Variants in PROS1 observed in about 807,000 individuals in gnomAD.
PROS1 encodes the protein protein S.
PROS1 carries 29 observed loss-of-function variants against 75.9 expected under a neutral mutation model. That is an observed-to-expected ratio of 0.38 (90% confidence interval 0.28 to 0.52). The LOEUF (loss-of-function observed/expected upper bound fraction) is 0.52, where lower values mean the gene tolerates loss of function less well. Among genes scored for constraint, PROS1 ranks in the 20% least tolerant of loss-of-function variants. PROS1 has a pLI of 0.83. For missense variants in PROS1, 680 were observed against 810.3 expected (o/e 0.84, Z 1.95); for synonymous variants, 245 against 280.6 (o/e 0.87, Z 1.27).
intron 4 of PROS1, among the ~76,000 whole-genome samples, chr3:93,908,684 T>C (rs1004796698): frequency 2.6e-5 from 4 of 152,194 alleles, no homozygotes; most frequent in Admixed American, 1.3e-4. Context: ...ACAGTACAAA[T>C]GGCATCAGGT....
rs1709053137 is a variant in PROS1, at chr3:93,928,013, T to TA, written c.77-607_77-606insT. The stretch of plus-strand genomic sequence containing the variant: ...TGTGTGTATATATATATATATATAT[T>TA]TTTTTTTTTTTTTTTTTTTGAGACG... On this transcript the variant is annotated intron_variant, in intron 1 of 14. Coordinates refer to ENST00000394236, the MANE Select transcript of PROS1 (RefSeq NM_000313.4). Among the ~76,000 whole-genome samples the TA allele has an allele frequency of 9.8e-3, 95 of 9,674 alleles. 5 individuals are homozygous for TA. The highest frequency in any genetic ancestry group is 0.071 in the Middle Eastern group (2 of 28). The allele number at this position is 9,674 out of a possible 152,430, so 6.3% of individuals were successfully genotyped here.
chr3:93,948,952 T>C (rs1406807813), intron 1 of PROS1, among the ~76,000 whole-genome samples: 4 of 152,206 alleles, frequency 2.6e-5, no homozygotes, highest in Non-Finnish European at 4.4e-5. Context: ...GTTACATTTT[T>C]CAGATATTAA....
At chr3:93,964,635 C>T (rs1054834658) in intron 1 of PROS1, among the ~76,000 whole-genome samples, 2 of 152,126 alleles carry the variant, frequency 1.3e-5, no homozygotes, top group African/African-American at 4.8e-5. Flanking sequence ...TCTGCTTTTG[C>T]CCTTTGCCTT....
Position 93,924,184 on chromosome 3 carries a change from A to T in PROS1, c.259+56T>A, listed in dbSNP as rs1708984094. On this transcript the variant is annotated intron_variant, in intron 3 of 14. Coordinates refer to ENST00000394236, the MANE Select transcript of PROS1 (RefSeq NM_000313.4). Reference sequence around the variant, plus strand: ...GATAGGTGGAGAGTTAGACAGGAACATATCTAAGTTCCCTTCCATTTCTAA... The same window carrying T: ...GATAGGTGGAGAGTTAGACAGGAACTTATCTAAGTTCCCTTCCATTTCTAA... 2.5e-6 allele frequency: 3 copies of T among 1,178,650 alleles called. No homozygotes were observed. The Admixed American group carries it at 8.0e-5, about 31-fold the overall frequency. The allele number at this position is 1,178,650 out of a possible 1,614,324, so 73.0% of individuals were successfully genotyped here.
chr3:93,911,613 T>C (rs1438385952), intron 3 of PROS1, among the ~76,000 whole-genome samples: 2 of 152,180 alleles, frequency 1.3e-5, no homozygotes, highest in Non-Finnish European at 1.5e-5. Context: ...GGCAGGGGAC[T>C]GCTTCCAAGA....
chr3:93,880,691 A>C (rs1439478671), intron 12 of PROS1, among the ~76,000 whole-genome samples: 1 of 152,332 alleles, frequency 6.6e-6, no homozygotes, highest in East Asian at 1.9e-4. Flanking sequence ...TAAATTTAAC[A>C]CAGAATATTA....
chr3:93,914,780 C>A (rs1210935369), intron 3 of PROS1, among the ~76,000 whole-genome samples: 2 of 152,142 alleles, frequency 1.3e-5, no homozygotes, highest in South Asian at 4.1e-4. Flanking sequence ...ATTACCCAAG[C>A]AGTGTACACT....
At chr3:93,948,448 A>G (rs543434489) in intron 1 of PROS1, among the ~76,000 whole-genome samples, 1 of 152,262 alleles carries the variant, frequency 6.6e-6, no homozygotes, top group Admixed American at 6.5e-5. Context: ...GCTCAGTTCA[A>G]TTCCTGGATA....
chr3:93,928,470 G>T (rs1175554937), intron 1 of PROS1, among the ~76,000 whole-genome samples: 1 of 148,812 alleles, frequency 6.7e-6, no homozygotes, highest in East Asian at 2.0e-4. Flanking sequence ...GGAGCCAGAG[G>T]TTACAGTGAG....
At chr3:93,963,036 T>A (rs1429900483) in intron 1 of PROS1, among the ~76,000 whole-genome samples, 1 of 152,234 alleles carries the variant, frequency 6.6e-6, no homozygotes, top group African/African-American at 2.4e-5. Context: ...CAATGATCCA[T>A]CAGATCCAAT....
intron 1 of PROS1, among the ~76,000 whole-genome samples, chr3:93,946,942 A>T (rs1395101642): frequency 6.6e-6 from 1 of 152,206 alleles, no homozygotes; most frequent in African/African-American, 2.4e-5. Context: ...AATATCCAGA[A>T]TCTACAAAGA....
At chr3:93,908,041 A>G (rs117717716) in intron 4 of PROS1, among the ~76,000 whole-genome samples, 2 of 152,094 alleles carry the variant, frequency 1.3e-5, no homozygotes, top group African/African-American at 4.8e-5. Flanking sequence ...CCAGCTACTC[A>G]GGAGTCTAAA....
chr3:93,874,281 T>C lies in PROS1; in HGVS notation c.1995A>G (p.Ser665=). 6.2e-7 allele frequency: 1 copy of C among 1,613,472 alleles called. No individual in the cohort carries two copies. Among genetic ancestry groups the C allele is most frequent in the Non-Finnish European group, 8.5e-7 (1 of 1,179,522 alleles). Residue 665 remains serine, a synonymous_variant, in exon 15 of 15, where the codon TCA becomes TCG. Transcript: ENST00000394236. ...TTGTCTTTTTCCAAACTGATGGACA[T>C]GAGTGAGCTCTAATATCATTATGTT... ...ISKHNDIRAH[S]CPSVWKKTKN... is the part of the protein sequence containing the mutation.
intron 2 of PROS1, 128 bp downstream of exon 2, chr3:93,927,122 T>G: frequency 1.7e-6 from 2 of 1,196,556 alleles, no homozygotes; most frequent in East Asian, 4.7e-5. Flanking sequence ...TGGAAGTGGT[T>G]ATGTGTGGAA....
chr3:93,902,423 T>C (rs1708609054), intron 6 of PROS1, among the ~76,000 whole-genome samples: 1 of 152,214 alleles, frequency 6.6e-6, no homozygotes, highest in Admixed American at 6.5e-5. Context: ...ATTGGTTTTA[T>C]GACTCCAAAC....
rs541846090 is a variant in PROS1, at chr3:93,959,412, T to A, written c.76+14262A>T. Among the ~76,000 whole-genome samples, 62 of 152,284 alleles carry A rather than the reference T, an allele frequency of 4.1e-4. No individual in the cohort carries two copies. In the South Asian group the frequency reaches 5.2e-3, roughly 13 times the overall value. ...TCTTTACCCACCTCACATCTAGTAA[T>A]TTCTCACTGGAGACCTTCTCCACAA... is the stretch of plus-strand genomic sequence containing the variant. On this transcript the variant is annotated intron_variant, in intron 1 of 14. Transcript: ENST00000394236.
chr3:93,903,692 C>A (rs868045992), intron 6 of PROS1, among the ~76,000 whole-genome samples: 3 of 152,142 alleles, frequency 2.0e-5, no homozygotes, highest in Middle Eastern at 3.4e-3. Flanking sequence ...AACACAAATT[C>A]TTTAGAAAGA....
At chr3:93,923,137 G>T (rs1201684152) in intron 3 of PROS1, among the ~76,000 whole-genome samples, 9 of 151,996 alleles carry the variant, frequency 5.9e-5, no homozygotes, top group South Asian at 4.2e-4. Context: ...TTATACTTTG[G>T]TTTTTTTTAC....
At chr3:93,933,225 T>C (rs1709132545) in intron 1 of PROS1, among the ~76,000 whole-genome samples, 1 of 152,184 alleles carries the variant, frequency 6.6e-6, no homozygotes, top group Non-Finnish European at 1.5e-5. Flanking sequence ...AGTTGATACT[T>C]TGAGACATAA....
Sources: gnomAD v4.1 joint callset for allele counts (sites outside exome capture counted in the v4.1 genomes callset) on GRCh38, gnomAD v4.1.1 for gene constraint, MANE v1.5 for transcripts, NCBI Gene and HGNC (gene_info 2026-07-23, HGNC 2026-07-21) for gene names.